The following ACYP2 variants were observed in gnomAD, a reference collection of about 807,000 sequenced individuals.
The protein encoded by ACYP2 is acylphosphatase-2.
A neutral mutation model predicts 11.2 loss-of-function variants in ACYP2; 12 were observed. The observed-to-expected ratio is 1.08, with a 90% CI of 0.69 to 1.74. The LOEUF (loss-of-function observed/expected upper bound fraction) is 1.74, where lower values mean the gene tolerates loss of function less well. Ranked by LOEUF, ACYP2 falls within the 40% of genes most tolerant of loss-of-function variation. ACYP2 has a pLI of 0.00. For synonymous variants in ACYP2, 43 were observed against 32.2 expected, an observed-to-expected ratio of 1.33 and a Z score of -1.13; for missense variants, 134 against 101.9, an observed-to-expected ratio of 1.31 and a Z score of -1.35.
chr2:54,068,837 T>G (rs1010255907), intron 4 of ACYP2, among the ~76,000 whole-genome samples: 1 of 152,124 alleles, frequency 6.6e-6, no homozygotes, highest in Non-Finnish European at 1.5e-5. Flanking sequence ...CAATGGCTGT[T>G]GGTACAGCAA....
chr2:54,161,267 C>T (rs1282767630), intron 6 of ACYP2, among the ~76,000 whole-genome samples: 1 of 152,184 alleles, frequency 6.6e-6, no homozygotes, highest in African/African-American at 2.4e-5. Flanking sequence ...AACTAAATTG[C>T]CCACACCTCC....
At chr2:54,255,566 G>C in intron 6 of ACYP2, 1 of 1,612,850 alleles carries the variant, frequency 6.2e-7, no homozygotes. Context: ...CCCACGTTCA[G>C]GGGCCCGGGC....
intron 6 of ACYP2, among the ~76,000 whole-genome samples, chr2:54,223,533 A>G (rs1450453698): frequency 6.6e-6 from 1 of 152,206 alleles, no homozygotes; most frequent in Non-Finnish European, 1.5e-5. Context: ...GAATTTAGAC[A>G]CTGCTATAAA....
chr2:54,245,014 G>A (rs1020795141), intron 6 of ACYP2, among the ~76,000 whole-genome samples: 2 of 151,960 alleles, frequency 1.3e-5, no homozygotes, highest in South Asian at 2.1e-4. Flanking sequence ...GTCCTTTAAC[G>A]TATCTCACCA....
chr2:54,295,273 C>T (rs17045788), intron 6 of ACYP2, among the ~76,000 whole-genome samples: 2,007 of 152,272 alleles, frequency 0.013, 42 homozygotes, highest in African/African-American at 0.045. Context: ...TGCTTCTATT[C>T]GGGTCATTAG....
intron 6 of ACYP2, among the ~76,000 whole-genome samples, chr2:54,245,623 A>G (rs1450113188): frequency 6.6e-6 from 1 of 151,028 alleles, no homozygotes; most frequent in Non-Finnish European, 1.5e-5. Context: ...AGTGATGTTG[A>G]GCTTTTTTTT....
At position 54,157,013 on chromosome 2, in the gene ACYP2, C is replaced by G. The variant is rs151135950; in HGVS notation, c.404+18265C>G. On this transcript the variant is annotated intron_variant, in intron 6 of 6. Transcript: ENST00000607452. Reference sequence around the variant, plus strand: ...ATAAATATTTTTTAAAAAGGTATCTCAATTTTCCAAAAACTTGAAATCTAT... The same window carrying G: ...ATAAATATTTTTTAAAAAGGTATCTGAATTTTCCAAAAACTTGAAATCTAT... Among the ~76,000 whole-genome samples, 823 of 152,088 alleles carry G rather than the reference C, an allele frequency of 5.4e-3. 4 individuals carry two copies. The highest frequency in any genetic ancestry group is 0.031 in the Middle Eastern group (9 of 294).
chr2:54,298,604 C>A (rs1689609396), intron 6 of ACYP2, among the ~76,000 whole-genome samples: 1 of 152,212 alleles, frequency 6.6e-6, no homozygotes. Flanking sequence ...CCAGTTAACA[C>A]AGTGGAAATC....
At chr2:54,235,227 G>A (rs903039984) in intron 6 of ACYP2, among the ~76,000 whole-genome samples, 2 of 151,976 alleles carry the variant, frequency 1.3e-5, no homozygotes, top group Admixed American at 6.6e-5. Flanking sequence ...AGGATGGGGA[G>A]AATGTTTCCT....
At chr2:54,103,276 C>A (rs1678996358) in intron 4 of ACYP2, among the ~76,000 whole-genome samples, 2 of 152,176 alleles carry the variant, frequency 1.3e-5, no homozygotes, top group South Asian at 4.1e-4. Context: ...ACATGTCCAC[C>A]ACATCATTGT....
intron 4 of ACYP2, among the ~76,000 whole-genome samples, chr2:54,133,767 G>A (rs185712905): frequency 2.7e-4 from 41 of 152,232 alleles, no homozygotes; most frequent in Admixed American, 2.6e-3. Context: ...TTCACTAAAG[G>A]GGTCCCATAC....
chr2:54,063,884 G>A (rs1461866446), intron 4 of ACYP2, among the ~76,000 whole-genome samples: 1 of 152,234 alleles, frequency 6.6e-6, no homozygotes, highest in Non-Finnish European at 1.5e-5. Context: ...AGAGGCAAGA[G>A]CTCTTCAGGG....
intron 4 of ACYP2, among the ~76,000 whole-genome samples, chr2:54,079,072 C>T (rs895568373): frequency 1.3e-5 from 2 of 152,124 alleles, no homozygotes; most frequent in African/African-American, 4.8e-5. Flanking sequence ...TATCTCAAAC[C>T]AAAACAGTCT....
At chr2:54,070,124 G>T (rs1431318524) in intron 4 of ACYP2, among the ~76,000 whole-genome samples, 1 of 151,998 alleles carries the variant, frequency 6.6e-6, no homozygotes, top group Admixed American at 6.6e-5. Flanking sequence ...TACAAAATTA[G>T]TTGGGCATGG....
intron 4 of ACYP2, among the ~76,000 whole-genome samples, chr2:54,087,322 A>G (rs75548326): frequency 6.6e-6 from 1 of 152,192 alleles, no homozygotes; most frequent in Admixed American, 6.5e-5. Context: ...TCTTCTTGGC[A>G]TTGACCTGCT....
At chr2:54,205,016 G>A (rs1685013300) in intron 6 of ACYP2, among the ~76,000 whole-genome samples, 1 of 152,034 alleles carries the variant, frequency 6.6e-6, no homozygotes, top group Non-Finnish European at 1.5e-5. Context: ...TATTCTCCTT[G>A]TGTATCCCCT....
intron 6 of ACYP2, among the ~76,000 whole-genome samples, chr2:54,207,299 G>A (rs937055997): frequency 6.6e-6 from 1 of 151,812 alleles, no homozygotes; most frequent in Non-Finnish European, 1.5e-5. Context: ...ATTCAAGTAA[G>A]AGTTGATATT....
chr2:54,111,532 T>G (rs1679462261), intron 4 of ACYP2, among the ~76,000 whole-genome samples: 1 of 152,238 alleles, frequency 6.6e-6, no homozygotes, highest in South Asian at 2.1e-4. Flanking sequence ...TGGAAAGAAA[T>G]CTGCTTTGCT....
At chr2:54,078,914 C>G (rs1249047378) in intron 4 of ACYP2, among the ~76,000 whole-genome samples, 2 of 152,124 alleles carry the variant, frequency 1.3e-5, no homozygotes, top group Admixed American at 1.3e-4. Flanking sequence ...AGCTTTTTAA[C>G]TTATGATGTC....
Sources: gnomAD v4.1 joint callset for allele counts (sites outside exome capture counted in the v4.1 genomes callset) on GRCh38, gnomAD v4.1.1 for gene constraint, MANE v1.5 for transcripts, NCBI Gene and HGNC (gene_info 2026-07-23, HGNC 2026-07-21) for gene names.